The following LARGE1 variants were observed in gnomAD, a reference collection of about 807,000 sequenced individuals.
The protein encoded by LARGE1 is xylosyl- and glucuronyltransferase LARGE1.
A neutral mutation model predicts 87.6 loss-of-function variants in LARGE1; 43 were observed. The ratio of observed to expected loss-of-function variants is 0.49; its 90% CI spans 0.38 to 0.63. LARGE1 has a LOEUF of 0.63. LARGE1 is among the 30% of genes least tolerant of loss of function. LARGE1 has a pLI of 0.00. For missense variants in LARGE1, 802 were observed against 1,000.2 expected, an observed-to-expected ratio of 0.80 and a Z score of 2.67; for synonymous variants, 434 against 394.6, an observed-to-expected ratio of 1.10 and a Z score of -1.18.
chr22:33,416,026 T>C (rs889432367), intron 7 of LARGE1, among the ~76,000 whole-genome samples: 4 of 152,200 alleles, frequency 2.6e-5, no homozygotes, highest in African/African-American at 4.8e-5. Flanking sequence ...TTGCTGAGCA[T>C]TTACTTTGTG....
intron 1 of LARGE1, among the ~76,000 whole-genome samples, chr22:33,786,203 C>T (rs1431667824): frequency 6.6e-6 from 1 of 152,124 alleles, no homozygotes; most frequent in Non-Finnish European, 1.5e-5. Flanking sequence ...TCTAATAAGG[C>T]CCTTCTTAGA....
chr22:33,778,930 C>T (rs619918), intron 1 of LARGE1, among the ~76,000 whole-genome samples: 40,518 of 152,022 alleles, frequency 0.27, 5,615 homozygotes, highest in East Asian at 0.39. Context: ...GGATTACCAG[C>T]GTGAGCCACC....
chr22:33,713,982 G>GTAACATAACATAACATAACA lies in LARGE1; in HGVS notation c.106+47369_106+47388dup, dbSNP rs71187278. Among the ~76,000 whole-genome samples the GTAACATAACATAACATAACA allele has an allele frequency of 5.9e-4, 75 of 126,250 alleles. 1 individual carries two copies. The highest frequency in any genetic ancestry group is 4.0e-3 in the Middle Eastern group (1 of 250). The allele number at this position is 126,250 out of a possible 152,430, so 82.8% of individuals were successfully genotyped here. On this transcript the variant is annotated intron_variant, in intron 2 of 14. Coordinates refer to ENST00000397394, the MANE Select transcript of LARGE1 (RefSeq NM_133642.5). The stretch of plus-strand genomic sequence containing the variant: ...GAAAAAGTAAATAACGTAACATAAC[G>GTAACATAACATAACATAACA]TAACATAACATAACATAACATAACA...
intron 1 of LARGE1, among the ~76,000 whole-genome samples, chr22:33,828,397 A>C (rs2062861296): frequency 7.7e-6 from 1 of 130,362 alleles, no homozygotes; most frequent in African/African-American, 2.5e-5. Flanking sequence ...CAATGGCATG[A>C]AGTGCCACTG....
chr22:33,467,782 G>T (rs966345567), intron 6 of LARGE1, among the ~76,000 whole-genome samples: 14 of 152,224 alleles, frequency 9.2e-5, no homozygotes, highest in Non-Finnish European at 1.9e-4. Flanking sequence ...GAAAGCAACA[G>T]AGGCGCTGGC....
rs528328659 is a variant in LARGE1 at position 33,786,765 on chromosome 22, T to A, written c.-82-25207A>T. Among the ~76,000 whole-genome samples, 168 of 152,302 alleles carry A rather than the reference T, an allele frequency of 1.1e-3. 1 individual carries two copies. The highest frequency in any genetic ancestry group is 2.0e-3 in the Non-Finnish European group (135 of 68,024). On this transcript the variant is annotated intron_variant, in intron 1 of 14. Coordinates refer to ENST00000397394, the MANE Select transcript of LARGE1 (RefSeq NM_133642.5). Reference sequence around the variant, plus strand: ...GGCTGGGCGCAGTGGCTCACGCCTGTAATCCCAGCACTTTGGGAGGCCAAG... The same window carrying A: ...GGCTGGGCGCAGTGGCTCACGCCTGAAATCCCAGCACTTTGGGAGGCCAAG...
chr22:33,782,340 A>G (rs1412275416), intron 1 of LARGE1, among the ~76,000 whole-genome samples: 1 of 152,164 alleles, frequency 6.6e-6, no homozygotes, highest in Non-Finnish European at 1.5e-5. Context: ...ATAAGAGGAG[A>G]GTGGCAGTGA....
intron 3 of LARGE1, among the ~76,000 whole-genome samples, chr22:33,628,897 C>T (rs2080015480): frequency 1.3e-5 from 2 of 152,162 alleles, no homozygotes; most frequent in African/African-American, 4.8e-5. Context: ...TGAGTAGAGG[C>T]CAGGGATGCT....
chr22:33,559,613 C>T lies in LARGE1; in HGVS notation c.787+5235G>A, dbSNP rs375213285. On this transcript the variant is annotated intron_variant, in intron 6 of 14. Transcript: ENST00000397394. ...CACCTCCTAAAGGCTCTACTCTTAA[C>T]GCCATTGCACTGGGGGTTAGGTTTC... is the stretch of plus-strand genomic sequence containing the variant. Among the ~76,000 whole-genome samples, 16 of 152,202 alleles carry T rather than the reference C, an allele frequency of 1.1e-4. 1 individual carries two copies. The highest frequency in any genetic ancestry group is 9.6e-4 in the East Asian group (5 of 5,186).
At chr22:33,098,004 A>T in the LARGE1 span, among the ~76,000 whole-genome samples, 2 of 152,204 alleles carry the variant, frequency 1.3e-5, no homozygotes, top group Non-Finnish European at 2.9e-5. Flanking sequence ...AGGCCATACA[A>T]ATAAGCTAGT....
chr22:33,560,621 G>GT, intron 6 of LARGE1, among the ~76,000 whole-genome samples: 1 of 152,176 alleles, frequency 6.6e-6, no homozygotes, highest in African/African-American at 2.4e-5. Context: ...GTTTTGTGCA[G>GT]TAAAAACTAA....
At chr22:33,537,002 G>A (rs538432141) in intron 6 of LARGE1, among the ~76,000 whole-genome samples, 1 of 152,178 alleles carries the variant, frequency 6.6e-6, no homozygotes, top group Non-Finnish European at 1.5e-5. Context: ...GTAGAGATGG[G>A]GTTTCACCAT....
chr22:33,268,991 T>G (rs150588688), downstream of LARGE1, among the ~76,000 whole-genome samples: 63 of 152,300 alleles, frequency 4.1e-4, no homozygotes, highest in Non-Finnish European at 7.8e-4. Flanking sequence ...TGCATAGCCT[T>G]GTGTATGCAT....
chr22:33,219,904 C>T (rs1048817695), intron 11 of LARGE1, among the ~76,000 whole-genome samples: 1 of 152,146 alleles, frequency 6.6e-6, no homozygotes, highest in East Asian at 1.9e-4. Context: ...TTGTTCCCAA[C>T]AATTTCTCTC....
chr22:33,439,888 T>A (rs2067407079), intron 6 of LARGE1, among the ~76,000 whole-genome samples: 1 of 152,200 alleles, frequency 6.6e-6, no homozygotes, highest in South Asian at 2.1e-4. Flanking sequence ...TTTTACTCAA[T>A]CTTGAACCCT....
chr22:33,627,626 C>T (rs1420176713), intron 3 of LARGE1, among the ~76,000 whole-genome samples: 3 of 152,298 alleles, frequency 2.0e-5, no homozygotes, highest in Non-Finnish European at 2.9e-5. Context: ...CCATCCCATA[C>T]AGGGTGATGT....
intron 6 of LARGE1, among the ~76,000 whole-genome samples, chr22:33,475,028 C>T (rs1011381870): frequency 6.6e-5 from 10 of 152,134 alleles, no homozygotes; most frequent in African/African-American, 2.4e-4. Context: ...TCTTTTCACT[C>T]CACCATCTAC....
chr22:33,298,722 T>C (rs530442998), intron 12 of LARGE1, among the ~76,000 whole-genome samples: 2 of 151,476 alleles, frequency 1.3e-5, no homozygotes, highest in African/African-American at 2.4e-5. Flanking sequence ...TCCCAGCTAC[T>C]TGGGAGGCTG....
chr22:33,447,999 GA>G (rs1375420278), intron 6 of LARGE1, among the ~76,000 whole-genome samples: 1 of 152,070 alleles, frequency 6.6e-6, no homozygotes, highest in Non-Finnish European at 1.5e-5. Flanking sequence ...CATATTGCAT[GA>G]CTAAGTCAGT....
Sources: allele counts gnomAD v4.1 joint callset (sites outside exome capture counted in the v4.1 genomes callset), GRCh38; gene constraint gnomAD v4.1.1; transcripts MANE v1.5; gene names NCBI Gene and HGNC (gene_info 2026-07-23, HGNC 2026-07-21).